The following EPHB1 variants were observed in gnomAD, a reference collection of about 807,000 sequenced individuals.
EPHB1 encodes EPH receptor B1, also known as ephrin type-B receptor 1.
In EPHB1, 30 loss-of-function variants were observed where a neutral mutation model predicts 94.4. That is an observed-to-expected ratio of 0.32 (90% CI 0.24 to 0.43). The LOEUF (loss-of-function observed/expected upper bound fraction) is 0.43. Ranked by LOEUF, EPHB1 falls within the 20% of genes least tolerant of loss-of-function variation. The pLI, the probability that EPHB1 is intolerant of heterozygous loss-of-function variation, is 1.00. For synonymous variants in EPHB1, 522 were observed against 489.1 expected (o/e 1.07, Z -0.89); for missense variants, 1,055 against 1,308.3 (o/e 0.81, Z 2.99).
intron 3 of EPHB1, among the ~76,000 whole-genome samples, chr3:135,097,996 A>G (rs1288110831): frequency 6.6e-6 from 1 of 152,072 alleles, no homozygotes; most frequent in Non-Finnish European, 1.5e-5. Flanking sequence ...ACATCCTTTG[A>G]GGCCCTGTGC....
intron 9 of EPHB1, among the ~76,000 whole-genome samples, chr3:135,169,709 T>G (rs80102562): frequency 0.035 from 5,274 of 152,204 alleles, 320 homozygotes; most frequent in African/African-American, 0.12. Flanking sequence ...CTCCCTACAT[T>G]GGGAGTTTTA....
intron 3 of EPHB1, among the ~76,000 whole-genome samples, chr3:135,056,661 C>G (rs1216447299): frequency 4.6e-5 from 7 of 152,274 alleles, no homozygotes; most frequent in Non-Finnish European, 1.5e-5. Context: ...ATTCATCTCT[C>G]TATTCTACTG....
intron 3 of EPHB1, among the ~76,000 whole-genome samples, chr3:135,081,146 T>C (rs1331998555): frequency 6.6e-6 from 1 of 152,190 alleles, no homozygotes; most frequent in Non-Finnish European, 1.5e-5. Flanking sequence ...GGGTTCTACC[T>C]TACCTTCTCC....
chr3:135,034,850 G>A (rs1461584216), intron 3 of EPHB1, among the ~76,000 whole-genome samples: 1 of 152,236 alleles, frequency 6.6e-6, no homozygotes, highest in African/African-American at 2.4e-5. Context: ...CTTCCTGGGT[G>A]TAGACCCTAC....
chr3:134,898,988 G>A (rs898819443), intron 1 of EPHB1, among the ~76,000 whole-genome samples: 8 of 152,142 alleles, frequency 5.3e-5, no homozygotes, highest in East Asian at 1.9e-4. Context: ...GGGCACTGTC[G>A]GGGAGGCATG....
At chr3:135,236,320 G>A (rs892605670) in intron 12 of EPHB1, among the ~76,000 whole-genome samples, 27 of 151,832 alleles carry the variant, frequency 1.8e-4, no homozygotes, top group African/African-American at 6.5e-4. Context: ...TTTTCATTCG[G>A]CCTTCTTATA....
chr3:135,244,260 G>T (rs188598272), intron 13 of EPHB1, among the ~76,000 whole-genome samples: 2 of 152,254 alleles, frequency 1.3e-5, no homozygotes, highest in Non-Finnish European at 2.9e-5. Context: ...ATCCCAGGAC[G>T]TTTGCTTACA....
At chr3:134,992,617 G>A (rs1357555292) in intron 3 of EPHB1, among the ~76,000 whole-genome samples, 1 of 152,162 alleles carries the variant, frequency 6.6e-6, no homozygotes, top group Admixed American at 6.5e-5. Flanking sequence ...GGCTTCCAAG[G>A]TAAATGGCCT....
chr3:134,822,124 A>G (rs1317467712), intron 1 of EPHB1, among the ~76,000 whole-genome samples: 1 of 152,156 alleles, frequency 6.6e-6, no homozygotes, highest in African/African-American at 2.4e-5. Flanking sequence ...TTCCAGCTGT[A>G]ATGGAGTGCC....
chr3:134,956,255 GCCAGATC>G (rs1204745210), intron 3 of EPHB1, among the ~76,000 whole-genome samples: 1 of 151,984 alleles, frequency 6.6e-6, no homozygotes, highest in Non-Finnish European at 1.5e-5. Context: ...CCCCTGAGTG[GCCAGATC>G]CTAGCTGGAG....
At chr3:135,079,948 A>G (rs909014878) in intron 3 of EPHB1, among the ~76,000 whole-genome samples, 9 of 152,052 alleles carry the variant, frequency 5.9e-5, no homozygotes, top group Non-Finnish European at 8.8e-5. Context: ...GGGTACCTGG[A>G]ACTTAGGAGT....
chr3:135,038,964 G>T (rs1023096227), intron 3 of EPHB1, among the ~76,000 whole-genome samples: 3 of 151,400 alleles, frequency 2.0e-5, no homozygotes, highest in Non-Finnish European at 4.4e-5. Context: ...TGATTGGTGC[G>T]TTTACAATCC....
chr3:135,250,699 C>A (rs79124157), intron 15 of EPHB1, among the ~76,000 whole-genome samples: 102 of 152,196 alleles, frequency 6.7e-4, no homozygotes, highest in African/African-American at 2.4e-3. Context: ...TAACTCTACC[C>A]TTCAAACACA....
Position 135,154,284 on chromosome 3 carries a change from A to G in EPHB1, c.1422+8A>G. On this transcript the variant is annotated splice_region_variant and intron_variant, in intron 6 of 15. Transcript: ENST00000398015. ...ATCCGGTACTATGAGAAGGTGAGCCAGCTCTACCTGCAAGCTTGCAAGACC... is the reference window on the plus strand; with the variant it reads ...ATCCGGTACTATGAGAAGGTGAGCCGGCTCTACCTGCAAGCTTGCAAGACC... 1 of 1,613,870 alleles carries G rather than the reference A, an allele frequency of 6.2e-7. No homozygotes were observed.
At chr3:134,994,090 A>G (rs901097241) in intron 3 of EPHB1, among the ~76,000 whole-genome samples, 1 of 152,138 alleles carries the variant, frequency 6.6e-6, no homozygotes, top group African/African-American at 2.4e-5. Flanking sequence ...GGCACTTGTC[A>G]CACAGTGTAT....
chr3:134,980,199 T>C (rs1934351755), intron 3 of EPHB1, among the ~76,000 whole-genome samples: 1 of 152,142 alleles, frequency 6.6e-6, no homozygotes, highest in Admixed American at 6.6e-5. Context: ...GCAGAACTCA[T>C]CTGAGACTGT....
chr3:135,197,317 T>C (rs2107711656), intron 11 of EPHB1, among the ~76,000 whole-genome samples: 1 of 152,266 alleles, frequency 6.6e-6, no homozygotes, highest in Middle Eastern at 3.4e-3. Flanking sequence ...GGGACATTTC[T>C]CATCAGAGAA....
intron 3 of EPHB1, among the ~76,000 whole-genome samples, chr3:134,966,911 C>T (rs574017258): frequency 6.6e-6 from 1 of 152,218 alleles, no homozygotes; most frequent in Non-Finnish European, 1.5e-5. Context: ...GTTCTGAAAA[C>T]CCACTCATGC....
chr3:135,181,889 T>G (rs914057079), intron 10 of EPHB1, among the ~76,000 whole-genome samples: 2 of 152,220 alleles, frequency 1.3e-5, no homozygotes, highest in Admixed American at 6.5e-5. Context: ...GTCTTCTCCA[T>G]GACTCATGTG....
Sources: gnomAD v4.1 joint callset for allele counts (sites outside exome capture counted in the v4.1 genomes callset) on GRCh38, gnomAD v4.1.1 for gene constraint, MANE v1.5 for transcripts, NCBI Gene and HGNC (gene_info 2026-07-23, HGNC 2026-07-21) for gene names.